NPY: variants seen among roughly 807,000 people sequenced by gnomAD.
The protein encoded by NPY is neuropeptide Y.
NPY carries 11 observed loss-of-function variants against 13.2 expected under a neutral mutation model. The observed-to-expected ratio is 0.83, with a 90% CI of 0.52 to 1.38. The LOEUF (loss-of-function observed/expected upper bound fraction) is 1.38, where lower values mean the gene tolerates loss of function less well. Ranked by LOEUF, NPY falls within the 40% of genes most tolerant of loss-of-function variation. The pLI is 0.00. For missense variants in NPY, 109 were observed against 125.1 expected, an observed-to-expected ratio of 0.87 and a Z score of 0.61; for synonymous variants, 51 against 55.6, an observed-to-expected ratio of 0.92 and a Z score of 0.37.
chr7:24,288,977 G>A (rs1787493712), intron 2 of NPY, among the ~76,000 whole-genome samples: 2 of 152,120 alleles, frequency 1.3e-5, no homozygotes, highest in South Asian at 4.1e-4. Flanking sequence ...TTACAAACGA[G>A]AAAATTGGGA....
At chr7:24,284,708 C>T (rs754341477) in intron 1 of NPY, among the ~76,000 whole-genome samples, 2 of 152,182 alleles carry the variant, frequency 1.3e-5, no homozygotes, top group African/African-American at 4.8e-5. Context: ...CTGCCACCTC[C>T]CTGGATTCTT....
chr7:24,289,675 G>T (rs1328992805), intron 3 of NPY, 96 bp downstream of exon 3: 2 of 830,624 alleles, frequency 2.4e-6, no homozygotes, highest in Non-Finnish European at 3.8e-6. Flanking sequence ...GCACCACCAG[G>T]CTTCTAGACT....
intron 2 of NPY, 106 bp from the exon 3 acceptor site, chr7:24,289,393 A>T: frequency 1.5e-6 from 1 of 659,856 alleles, no homozygotes; most frequent in Non-Finnish European, 2.6e-6. Flanking sequence ...TGAACACCTG[A>T]CAATAATGTT....
At chr7:24,290,777 T>TAA (rs1787574180) in intron 3 of NPY, among the ~76,000 whole-genome samples, 3 of 145,068 alleles carry the variant, frequency 2.1e-5, no homozygotes, top group Non-Finnish European at 3.0e-5. Context: ...ATAATAATAA[T>TAA]TATTATTATT....
At chr7:24,286,486 A>ATATT (rs1019765847) in intron 2 of NPY, among the ~76,000 whole-genome samples, 19 of 152,190 alleles carry the variant, frequency 1.2e-4, no homozygotes, top group African/African-American at 4.1e-4. Context: ...TGGGGTTTAT[A>ATATT]TATTTATTTA....
In NPY at chr7:24,289,689, G is replaced by A. The variant is rs564911652; in HGVS notation, c.269+110G>A. On this transcript the variant is annotated intron_variant, in intron 3 of 3. Transcript: ENST00000242152. ...GGCACCACCAGGCTTCTAGACTAGG[G>A]GAGATTTCGGCAGAAATGAGGATGA... 134 of 657,808 alleles carry A rather than the reference G, an allele frequency of 2.0e-4. 2 individuals are homozygous for A. The African/African-American group carries it at 2.3e-3, about 11-fold the overall frequency. 40.7% of individuals were successfully genotyped at this position (657,808 alleles called of 1,614,324 possible). A position where few individuals can be genotyped will look rare whatever the true frequency, so the allele number is the denominator to read the frequency against.
intron 3 of NPY, 50 bp downstream of exon 3, chr7:24,289,629 AG>A (rs767035567): frequency 6.9e-7 from 1 of 1,459,104 alleles, no homozygotes; most frequent in South Asian, 1.2e-5. Flanking sequence ...CAAGGTGCCC[AG>A]GGGAGGGAAG....
chr7:24,291,787 G>C lies in NPY; in HGVS notation c.*100G>C. 3.0e-6 allele frequency: 4 copies of C among 1,323,772 alleles called. No homozygotes were observed. The highest frequency in any genetic ancestry group is 4.3e-6 in the Non-Finnish European group (4 of 921,486). 82.0% of individuals were successfully genotyped at this position (1,323,772 alleles called of 1,614,324 possible). On this transcript the variant is annotated 3_prime_UTR_variant, in exon 4 of 4. Coordinates refer to ENST00000242152, the MANE Select transcript of NPY (RefSeq NM_000905.4). ...CATCCTACCAATGCATGCAGCCACTGTGCTGAATTCTGCAATGTTTTCCTT... is the reference window on the plus strand; with the variant it reads ...CATCCTACCAATGCATGCAGCCACTCTGCTGAATTCTGCAATGTTTTCCTT...
chr7:24,288,472 C>T (rs937523445), intron 2 of NPY, among the ~76,000 whole-genome samples: 12 of 152,018 alleles, frequency 7.9e-5, no homozygotes, highest in Admixed American at 5.2e-4. Context: ...ACCTATTAAC[C>T]AATCCATACC....
chr7:24,289,664 G>T, intron 3 of NPY, 85 bp downstream of exon 3: 1 of 931,824 alleles, frequency 1.1e-6, no homozygotes. Context: ...CCTGGTGGGA[G>T]GCACCACCAG....
At chr7:24,288,690 A>G (rs1324155479) in intron 2 of NPY, among the ~76,000 whole-genome samples, 4 of 73,572 alleles carry the variant, frequency 5.4e-5, no homozygotes, top group Non-Finnish European at 8.7e-5. Flanking sequence ...TACAGGAGAA[A>G]AAAAAAAAAA....
chr7:24,290,122 C>T (rs965351334), intron 3 of NPY, among the ~76,000 whole-genome samples: 8 of 152,132 alleles, frequency 5.3e-5, no homozygotes, highest in African/African-American at 1.9e-4. Flanking sequence ...TTACATTCAA[C>T]GAATGCACGT....
Position 24,286,716 on chromosome 7 carries a change from C to G in NPY, c.188+1288C>G, listed in dbSNP as rs7791591. On this transcript the variant is annotated intron_variant, in intron 2 of 3. Coordinates refer to ENST00000242152, the MANE Select transcript of NPY (RefSeq NM_000905.4). ...GTAGTTGTTTGTGATCCCTTGAAAT[C>G]TGATCATTTTAATTAGCAAAAAGCA... 6.3e-3 allele frequency among the ~76,000 whole-genome samples: 965 copies of G among 152,254 alleles called. 5 individuals carry two copies. The highest frequency in any genetic ancestry group is 0.02 in the Middle Eastern group (6 of 294).
At chr7:24,286,693 A>T (rs1787395426) in intron 2 of NPY, among the ~76,000 whole-genome samples, 1 of 152,228 alleles carries the variant, frequency 6.6e-6, no homozygotes, top group Admixed American at 6.5e-5. Context: ...ATTAAATAGT[A>T]GTTGTTTGTG....
At chr7:24,286,272 A>G (rs1787373925) in intron 2 of NPY, among the ~76,000 whole-genome samples, 1 of 152,036 alleles carries the variant, frequency 6.6e-6, no homozygotes, top group African/African-American at 2.4e-5. Context: ...AATTAAGGGA[A>G]AAATCAAATC....
At position 24,285,583 on chromosome 7, in the gene NPY, C is replaced by T. The variant is rs576530892; in HGVS notation, c.188+155C>T. On this transcript the variant is annotated intron_variant, in intron 2 of 3. Transcript: ENST00000242152. This position sits in a 1 kb window ranked among gnomAD's most constrained non-coding sequence, Gnocchi z 4.9. ...AGTCAGCTCTAGGTAAATGTTTGTA[C>T]AGGGCACACTCTACACAAAATGGGT... is the stretch of plus-strand genomic sequence containing the variant. Among the ~76,000 whole-genome samples, 1 of 152,144 alleles carries T rather than the reference C, an allele frequency of 6.6e-6. No homozygotes were observed. Among genetic ancestry groups the T allele is most frequent in the African/African-American group, 2.4e-5 (1 of 41,508 alleles).
At chr7:24,289,966 T>C (rs1043443885) in intron 3 of NPY, among the ~76,000 whole-genome samples, 2 of 152,176 alleles carry the variant, frequency 1.3e-5, no homozygotes, top group African/African-American at 2.4e-5. Context: ...AGATTTTATA[T>C]ATGTGGAGTG....
In NPY at chr7:24,291,694, A is replaced by G. The variant is rs770939614; in HGVS notation, c.*7A>G. On this transcript the variant is annotated 3_prime_UTR_variant, in exon 4 of 4. Coordinates refer to ENST00000242152, the MANE Select transcript of NPY (RefSeq NM_000905.4). ...AGACCCTGCAATGTGGTGATGGGAA[A>G]TGAGACTTGCTCTCTGGCCTTTTCC... 21 of 1,614,076 alleles carry G rather than the reference A, an allele frequency of 1.3e-5. No individual in the cohort carries two copies. Among genetic ancestry groups the G allele is most frequent in the Non-Finnish European group, 1.8e-5 (21 of 1,180,010 alleles).
At chr7:24,287,263 C>T (rs1787426391) in intron 2 of NPY, among the ~76,000 whole-genome samples, 1 of 152,118 alleles carries the variant, frequency 6.6e-6, no homozygotes, top group South Asian at 2.1e-4. Context: ...GGCAGAGTTT[C>T]CTGTCTCATC....
Sources: gnomAD v4.1 joint callset for allele counts (sites outside exome capture counted in the v4.1 genomes callset) on GRCh38, gnomAD v4.1.1 for gene constraint, Gnocchi (gnomAD v3.1) non-coding constraint, MANE v1.5 for transcripts, NCBI Gene and HGNC (gene_info 2026-07-23, HGNC 2026-07-21) for gene names.